PCSK2: variants seen among roughly 807,000 people sequenced by gnomAD.
PCSK2 encodes the protein neuroendocrine convertase 2.
Under a neutral mutation model 69.7 loss-of-function variants are expected in PCSK2, and 14 were observed. The observed-to-expected ratio is 0.20, with a 90% CI of 0.13 to 0.31. The LOEUF is 0.31. Among genes scored for constraint, PCSK2 ranks in the 10% least tolerant of loss-of-function variants. The pLI, the probability that PCSK2 is intolerant of heterozygous loss-of-function variation, is 1.00. For missense variants in PCSK2, 544 were observed against 842.5 expected (o/e 0.65, Z 4.39); for synonymous variants, 307 against 320.7 (o/e 0.96, Z 0.46).
Position 17,431,415 on chromosome 20 carries a change from G to A in PCSK2, c.709+1892G>A, listed in dbSNP as rs116096929. Among the ~76,000 whole-genome samples, 343 of 152,340 alleles carry A rather than the reference G, an allele frequency of 2.3e-3. 5 individuals are homozygous for A. The highest frequency in any genetic ancestry group is 7.4e-3 in the African/African-American group (307 of 41,570). ...CAAAAAGCCAGGGAGCAGGCCAGAG[G>A]ACCCGGTGGGTGCAGCAGCCTCTGC... On this transcript the variant is annotated intron_variant, in intron 7 of 11. Coordinates refer to ENST00000262545, the MANE Select transcript of PCSK2 (RefSeq NM_002594.5).
At chr20:17,361,822 GC>G (rs1479219609) in intron 4 of PCSK2, among the ~76,000 whole-genome samples, 1 of 152,218 alleles carries the variant, frequency 6.6e-6, no homozygotes, top group Non-Finnish European at 1.5e-5. Flanking sequence ...GAAGAAAGGA[GC>G]CCTGCATGAG....
chr20:17,298,524 A>G (rs1026689518), intron 2 of PCSK2, among the ~76,000 whole-genome samples: 2 of 152,184 alleles, frequency 1.3e-5, no homozygotes, highest in Non-Finnish European at 2.9e-5. Flanking sequence ...CAAAATGCCA[A>G]TAGTGTTGAG....
chr20:17,439,385 G>A (rs989313218), intron 8 of PCSK2, among the ~76,000 whole-genome samples: 3 of 151,946 alleles, frequency 2.0e-5, no homozygotes, highest in African/African-American at 4.8e-5. Context: ...TTGGCCTCCC[G>A]AGGTGGGATT....
chr20:17,313,687 C>T (rs557067124), intron 2 of PCSK2, among the ~76,000 whole-genome samples: 4 of 152,194 alleles, frequency 2.6e-5, no homozygotes, highest in South Asian at 2.1e-4. Context: ...TGGGTCACTG[C>T]GGGGTGATTC....
At chr20:17,265,257 T>C (rs1987551309) in intron 2 of PCSK2, among the ~76,000 whole-genome samples, 1 of 152,222 alleles carries the variant, frequency 6.6e-6, no homozygotes, top group East Asian at 1.9e-4. Context: ...ACCATCACCA[T>C]GACTGCATGA....
intron 1 of PCSK2, among the ~76,000 whole-genome samples, chr20:17,252,332 C>CA (rs1485122738): frequency 5.3e-5 from 8 of 152,106 alleles, no homozygotes; most frequent in African/African-American, 1.9e-4. Flanking sequence ...CCCCTTTCTC[C>CA]AAAAAGTCTA....
chr20:17,393,281 GTATCT>G (rs1174274952), intron 5 of PCSK2, among the ~76,000 whole-genome samples: 1 of 151,866 alleles, frequency 6.6e-6, no homozygotes, highest in Non-Finnish European at 1.5e-5. Flanking sequence ...ATCAAATTTT[GTATCT>G]TAAAAGTTTC....
chr20:17,332,592 T>C lies in PCSK2; in HGVS notation c.283-25735T>C, dbSNP rs140197094. Among the ~76,000 whole-genome samples, 486 of 152,256 alleles carry C rather than the reference T, an allele frequency of 3.2e-3. 1 individual carries two copies. The highest frequency in any genetic ancestry group is 0.011 in the African/African-American group (450 of 41,548). ...AGCAGCACCAGTGTCACTTGGGAAT[T>C]GGTTAGGATTTTCTAAGACCCTGCT... On this transcript the variant is annotated intron_variant, in intron 2 of 11. Transcript: ENST00000262545.
chr20:17,242,309 C>T (rs982797116), intron 1 of PCSK2, among the ~76,000 whole-genome samples: 2 of 152,210 alleles, frequency 1.3e-5, no homozygotes, highest in Non-Finnish European at 2.9e-5. Flanking sequence ...CCCCTAGTTT[C>T]CCTTCCACAC....
At position 17,304,227 on chromosome 20, in the gene PCSK2, G is replaced by A. The variant is rs377560967; in HGVS notation, c.282+43883G>A. On this transcript the variant is annotated intron_variant, in intron 2 of 11. Transcript: ENST00000262545. ...AAATAAACATTAGTTATTTTATTAT[G>A]ACCTATTGTAAGTTTTTGTGTTTTT... Among the ~76,000 whole-genome samples, 34 of 152,194 alleles carry A rather than the reference G, an allele frequency of 2.2e-4. No individual in the cohort carries two copies. The East Asian group carries it at 3.7e-3, about 16-fold the overall frequency.
At chr20:17,265,938 G>C (rs191227384) in intron 2 of PCSK2, among the ~76,000 whole-genome samples, 7 of 152,174 alleles carry the variant, frequency 4.6e-5, no homozygotes, top group Non-Finnish European at 1.0e-4. Context: ...AATAAAACTC[G>C]TGACTCCTCT....
intron 2 of PCSK2, among the ~76,000 whole-genome samples, chr20:17,309,180 G>T (rs1989424988): frequency 6.6e-6 from 1 of 152,156 alleles, no homozygotes; most frequent in African/African-American, 2.4e-5. Context: ...TGGACCAGAA[G>T]AGAAGTGAGT....
At chr20:17,410,499 A>G in intron 6 of PCSK2, among the ~76,000 whole-genome samples, 1 of 152,218 alleles carries the variant, frequency 6.6e-6, no homozygotes, top group East Asian at 1.9e-4. Flanking sequence ...AATGCAGAAA[A>G]TAAGAAAAAA....
At chr20:17,266,014 CT>C (rs1481951829) in intron 2 of PCSK2, among the ~76,000 whole-genome samples, 2 of 152,164 alleles carry the variant, frequency 1.3e-5, no homozygotes, top group African/African-American at 4.8e-5. Flanking sequence ...ATCTGTCGTT[CT>C]TTAAACAATT....
At chr20:17,317,753 C>A (rs929840514) in intron 2 of PCSK2, among the ~76,000 whole-genome samples, 4 of 151,918 alleles carry the variant, frequency 2.6e-5, no homozygotes, top group Non-Finnish European at 5.9e-5. Context: ...ATACTACCCC[C>A]AAAATAAAAG....
chr20:17,458,498 C>T (rs1406319828), intron 10 of PCSK2, among the ~76,000 whole-genome samples: 1 of 152,150 alleles, frequency 6.6e-6, no homozygotes, highest in Non-Finnish European at 1.5e-5. Context: ...TAGCTTTAGG[C>T]AAAGCGGCTC....
intron 1 of PCSK2, among the ~76,000 whole-genome samples, chr20:17,239,498 G>A (rs1003408800): frequency 4.6e-5 from 7 of 152,130 alleles, no homozygotes; most frequent in African/African-American, 1.7e-4. Flanking sequence ...TGTCTTAAAT[G>A]AGGTTTGTCA....
intron 9 of PCSK2, among the ~76,000 whole-genome samples, chr20:17,455,109 C>T (rs993342106): frequency 3.3e-5 from 5 of 152,134 alleles, no homozygotes; most frequent in East Asian, 1.9e-4. Flanking sequence ...TTCACTCTCA[C>T]GCCTGAAAGC....
chr20:17,350,427 A>G (rs1342013470), intron 2 of PCSK2, among the ~76,000 whole-genome samples: 1 of 151,850 alleles, frequency 6.6e-6, no homozygotes, highest in Admixed American at 6.6e-5. Flanking sequence ...TCTTTGGAGC[A>G]GGTTTCCCCT....
Sources: gnomAD v4.1 joint callset for allele counts (sites outside exome capture counted in the v4.1 genomes callset) on GRCh38, gnomAD v4.1.1 for gene constraint, MANE v1.5 for transcripts, NCBI Gene and HGNC (gene_info 2026-07-23, HGNC 2026-07-21) for gene names.